The following ASRGL1 variants were observed in gnomAD, a reference collection of about 807,000 sequenced individuals.
ASRGL1 encodes the protein isoaspartyl peptidase/L-asparaginase.
ASRGL1 carries 16 observed loss-of-function variants against 22.4 expected under a neutral mutation model. That is an observed-to-expected ratio of 0.71 (90% confidence interval 0.48 to 1.08). ASRGL1 has a LOEUF of 1.08. ASRGL1 is among the 50% of genes least tolerant of loss of function. ASRGL1 has a pLI of 0.00. For missense variants in ASRGL1, 412 were observed against 410.1 expected, an observed-to-expected ratio of 1.00 and a Z score of -0.04; for synonymous variants, 165 against 159.3, an observed-to-expected ratio of 1.04 and a Z score of -0.27.
At chr11:62,387,931 G>C (rs929410379) in intron 4 of ASRGL1, among the ~76,000 whole-genome samples, 1 of 152,148 alleles carries the variant, frequency 6.6e-6, no homozygotes, top group Non-Finnish European at 1.5e-5. Context: ...ACAGTCACGC[G>C]TCTCATGACA....
At chr11:62,343,730 C>CAAAAAAAA (rs71053038) in intron 2 of ASRGL1, among the ~76,000 whole-genome samples, 1 of 69,004 alleles carries the variant, frequency 1.4e-5, no homozygotes, top group Admixed American at 2.0e-4. Context: ...TCCAGCTCCA[C>CAAAAAAAA]AAAAAAAAAA....
intron 2 of ASRGL1, among the ~76,000 whole-genome samples, chr11:62,347,142 A>G (rs1190783789): frequency 6.6e-6 from 1 of 152,160 alleles, no homozygotes; most frequent in Non-Finnish European, 1.5e-5. Flanking sequence ...CACAACCTGT[A>G]TATCAGCTCT....
intron 4 of ASRGL1, chr11:62,373,151 A>C (rs1209893940): frequency 7.4e-7 from 1 of 1,346,646 alleles, no homozygotes; most frequent in African/African-American, 1.4e-5. Flanking sequence ...AGAAACTGCC[A>C]GAATACAGCC....
At chr11:62,375,565 C>T (rs1351532524) in intron 4 of ASRGL1, among the ~76,000 whole-genome samples, 1 of 149,970 alleles carries the variant, frequency 6.7e-6, no homozygotes, top group South Asian at 2.1e-4. Flanking sequence ...GGTGCTCTCC[C>T]TAGGCAAGTA....
chr11:62,380,988 T>C (rs1400283365), intron 4 of ASRGL1, among the ~76,000 whole-genome samples: 1 of 152,174 alleles, frequency 6.6e-6, no homozygotes, highest in Admixed American at 6.5e-5. Flanking sequence ...CCCTGCCCTG[T>C]GGTGCTGGAA....
chr11:62,386,372 A>G (rs758629780), intron 4 of ASRGL1, among the ~76,000 whole-genome samples: 9 of 94,494 alleles, frequency 9.5e-5, no homozygotes, highest in African/African-American at 1.5e-4. Flanking sequence ...TTACTATAGT[A>G]TATTGTTATA....
intron 4 of ASRGL1, among the ~76,000 whole-genome samples, chr11:62,387,914 C>T (rs919079428): frequency 4.6e-5 from 7 of 152,172 alleles, no homozygotes; most frequent in Non-Finnish European, 8.8e-5. Flanking sequence ...ATTTGTTCAA[C>T]TGTGTTACAG....
chr11:62,362,496 A>ATATAAAATATATAAAATATATAT (rs1946461919), intron 4 of ASRGL1, among the ~76,000 whole-genome samples: 1 of 64,890 alleles, frequency 1.5e-5, no homozygotes, highest in African/African-American at 6.7e-5. Context: ...AATATATATT[A>ATATAAAATATATAAAATATATAT]TATAAAATAT....
downstream of ASRGL1, among the ~76,000 whole-genome samples, chr11:62,394,027 T>C (rs1947397763): frequency 6.9e-6 from 1 of 144,500 alleles, no homozygotes. Context: ...AATATATAAA[T>C]TATATAATAT....
chr11:62,398,984 C>T, the ASRGL1 span, among the ~76,000 whole-genome samples: 1 of 152,214 alleles, frequency 6.6e-6, no homozygotes, highest in African/African-American at 2.4e-5. Context: ...ACCTGGCCAA[C>T]ATGGTGAAAC....
chr11:62,338,425 C>T (rs1945780305), intron 2 of ASRGL1: 3 of 416,316 alleles, frequency 7.2e-6, no homozygotes, highest in Admixed American at 4.1e-5. Context: ...AGAATGTGTG[C>T]TTCTGGAGAG....
chr11:62,393,484 T>C (rs887811739), downstream of ASRGL1: 1 of 152,158 alleles, frequency 6.6e-6, no homozygotes, highest in Non-Finnish European at 1.5e-5. Flanking sequence ...GTCTCAGGTG[T>C]ACTACAGAGA....
chr11:62,370,797 T>C (rs1946740343), intron 4 of ASRGL1, among the ~76,000 whole-genome samples: 1 of 152,212 alleles, frequency 6.6e-6, no homozygotes, highest in African/African-American at 2.4e-5. Context: ...CTGTGTCTTT[T>C]GATCCTTTGG....
chr11:62,400,058 G>A, the ASRGL1 span, among the ~76,000 whole-genome samples: 2 of 152,158 alleles, frequency 1.3e-5, no homozygotes, highest in African/African-American at 2.4e-5. Context: ...GGTCACGCAG[G>A]GGGCTCCAGG....
chr11:62,381,483 A>T (rs1045370948), intron 4 of ASRGL1, among the ~76,000 whole-genome samples: 5 of 152,144 alleles, frequency 3.3e-5, no homozygotes, highest in Admixed American at 6.5e-5. Flanking sequence ...GGGCATCAGC[A>T]ACTGAAACGC....
chr11:62,370,960 A>G (rs1413656950), intron 4 of ASRGL1, among the ~76,000 whole-genome samples: 12 of 152,100 alleles, frequency 7.9e-5, no homozygotes, highest in African/African-American at 1.9e-4. Flanking sequence ...AGGTACTGCT[A>G]CCAACCAATT....
At chr11:62,378,240 T>C (rs1844612995) in intron 4 of ASRGL1, among the ~76,000 whole-genome samples, 1 of 152,210 alleles carries the variant, frequency 6.6e-6, no homozygotes, top group Admixed American at 6.5e-5. Flanking sequence ...GAGTAGAGGT[T>C]TGAATCTTAT....
chr11:62,395,481 C>T (rs1947421382), downstream of ASRGL1, among the ~76,000 whole-genome samples: 3 of 152,106 alleles, frequency 2.0e-5, no homozygotes, highest in Admixed American at 1.3e-4. Context: ...TAAGGAAGGG[C>T]CTTGATCTCG....
Position 62,368,878 on chromosome 11 carries a change from G to A in ASRGL1, c.491+11734G>A, listed in dbSNP as rs139525514. The stretch of plus-strand genomic sequence containing the variant: ...AGCACATCTCAGCTCTAGCCCTAAG[G>A]CTGTTTTCTCCTATCTCAGTAAATA... On this transcript the variant is annotated intron_variant, in intron 4 of 6. Coordinates refer to ENST00000415229, the MANE Select transcript of ASRGL1 (RefSeq NM_001083926.2). Among the ~76,000 whole-genome samples, 424 of 152,262 alleles carry A rather than the reference G, an allele frequency of 2.8e-3. 1 individual carries two copies. The highest frequency in any genetic ancestry group is 9.4e-3 in the African/African-American group (392 of 41,520).
Sources: gnomAD v4.1 joint callset for allele counts (sites outside exome capture counted in the v4.1 genomes callset) on GRCh38, gnomAD v4.1.1 for gene constraint, MANE v1.5 for transcripts, NCBI Gene and HGNC (gene_info 2026-07-23, HGNC 2026-07-21) for gene names.